CCDC38: variants seen among roughly 807,000 people sequenced by gnomAD.
The protein encoded by CCDC38 is coiled-coil domain-containing protein 38.
In CCDC38, 69 loss-of-function variants were observed where a neutral mutation model predicts 72.8. That is an observed-to-expected ratio of 0.95 (90% CI 0.78 to 1.16). The LOEUF (loss-of-function observed/expected upper bound fraction) is 1.16. CCDC38 is among the 50% of genes most tolerant of loss of function. CCDC38 has a pLI of 0.00. For missense variants in CCDC38, 626 were observed against 638.9 expected, an observed-to-expected ratio of 0.98 and a Z score of 0.22; for synonymous variants, 201 against 213.2, an observed-to-expected ratio of 0.94 and a Z score of 0.50.
intron 2 of CCDC38, chr12:95,919,568 G>A: frequency 2.2e-6 from 1 of 455,986 alleles, no homozygotes; most frequent in Non-Finnish European, 4.4e-6. Context: ...ACATCTCCTG[G>A]GTAGAAGTCA....
chr12:95,882,510 C>T (rs1389030426), intron 10 of CCDC38, among the ~76,000 whole-genome samples: 1 of 152,120 alleles, frequency 6.6e-6, no homozygotes, highest in Non-Finnish European at 1.5e-5. Flanking sequence ...ACACCTGGAG[C>T]TGCCTATTGA....
At chr12:95,905,405 A>G (rs1461400552) in intron 5 of CCDC38, among the ~76,000 whole-genome samples, 1 of 152,248 alleles carries the variant, frequency 6.6e-6, no homozygotes, top group Non-Finnish European at 1.5e-5. Flanking sequence ...TAAACTACCT[A>G]GGACATCAGT....
chr12:95,898,837 G>T, intron 5 of CCDC38, 106 bp from the exon 6 acceptor site: 3 of 1,127,122 alleles, frequency 2.7e-6, no homozygotes, highest in Non-Finnish European at 3.8e-6. Flanking sequence ...ATAATAGTAC[G>T]CCTAAATCTT....
chr12:95,876,479 TTCCAC>T lies in CCDC38; in HGVS notation c.1278+1727_1278+1731del, dbSNP rs762828542. The stretch of plus-strand genomic sequence containing the variant: ...AAAGTTGTGGAAATAGTGGTGATGG[TTCCAC>T]AACATTGAGAATGTACTTAATGCCA... On this transcript the variant is annotated intron_variant, in intron 13 of 15. Coordinates refer to ENST00000344280, the MANE Select transcript of CCDC38 (RefSeq NM_182496.3). 2.6e-5 allele frequency among the ~76,000 whole-genome samples: 4 copies of T among 152,314 alleles called. No homozygotes were observed. In the South Asian group the frequency reaches 8.3e-4, roughly 32 times the overall value.
At position 95,872,326 on chromosome 12, in the gene CCDC38, G is replaced by A. The variant is rs530908291; in HGVS notation, c.1413C>T (p.Asp471=). ...KVESRLVELC[D]LIESIPKENV... ...TTTCTTTGGGAATGGATTCGATGAGGTCACACAGTTCTACCAGGCGAGATT... is the reference window on the plus strand; with the variant it reads ...TTTCTTTGGGAATGGATTCGATGAGATCACACAGTTCTACCAGGCGAGATT... The change falls in exon 14 of 16, where the codon GAC becomes GAT. Residue 471 remains aspartate, a synonymous_variant. Transcript: ENST00000344280. The A allele has an allele frequency of 6.2e-7, 1 of 1,614,132 alleles. No homozygotes were observed. The highest frequency in any genetic ancestry group is 1.1e-5 in the South Asian group (1 of 91,080).
At chr12:95,916,905 C>T (rs2080150655) in intron 4 of CCDC38, among the ~76,000 whole-genome samples, 1 of 152,020 alleles carries the variant, frequency 6.6e-6, no homozygotes, top group South Asian at 2.1e-4. Context: ...AGTAACTGTC[C>T]TCCTGGGAGG....
At chr12:95,884,375 CAT>C (rs1375183507) in intron 10 of CCDC38, among the ~76,000 whole-genome samples, 6 of 152,204 alleles carry the variant, frequency 3.9e-5, no homozygotes, top group Middle Eastern at 6.8e-3. Context: ...TCTAACAAAA[CAT>C]GTATAGGATT....
In CCDC38 at chr12:95,877,770, G is replaced by T. The variant is rs554111269; in HGVS notation, c.1278+441C>A. 1.6e-3 allele frequency among the ~76,000 whole-genome samples: 238 copies of T among 152,238 alleles called. 5 individuals are homozygous for T. In the South Asian group the frequency reaches 0.046, roughly 29 times the overall value. On this transcript the variant is annotated intron_variant, in intron 13 of 15. Coordinates refer to ENST00000344280, the MANE Select transcript of CCDC38 (RefSeq NM_182496.3). ...CTGTTTTGATAATGAGTCTATGCAG[G>T]CCTGAAGAGGCAAAAATCTAGTACA...
At chr12:95,905,583 C>T (rs1024824202) in intron 5 of CCDC38, among the ~76,000 whole-genome samples, 6 of 152,128 alleles carry the variant, frequency 3.9e-5, no homozygotes, top group African/African-American at 9.7e-5. Context: ...TAAATTTATG[C>T]CCCAAAATGT....
intron 13 of CCDC38, 33 bp from the exon 14 acceptor site, chr12:95,872,493 C>G: frequency 7.6e-7 from 1 of 1,310,454 alleles, no homozygotes; most frequent in Non-Finnish European, 1.1e-6. Flanking sequence ...ACATTAACAT[C>G]ACATTCCACA....
chr12:95,884,219 G>T (rs2079732180), intron 10 of CCDC38, among the ~76,000 whole-genome samples: 1 of 152,188 alleles, frequency 6.6e-6, no homozygotes. Context: ...CAAAATTCTT[G>T]AACTAATAAG....
intron 1 of CCDC38, among the ~76,000 whole-genome samples, chr12:95,941,215 C>G (rs2080447179): frequency 6.6e-6 from 1 of 152,100 alleles, no homozygotes; most frequent in Non-Finnish European, 1.5e-5. Flanking sequence ...TTAGACTCAC[C>G]CAGAACTTGC....
chr12:95,879,861 T>C lies in CCDC38; in HGVS notation c.991-66A>G, dbSNP rs1254799085. The C allele has an allele frequency of 4.0e-6, 5 of 1,249,726 alleles. No individual in the cohort carries two copies. The highest frequency in any genetic ancestry group is 5.6e-6 in the Non-Finnish European group (5 of 893,950). The allele number at this position is 1,249,726 out of a possible 1,614,324, so 77.4% of individuals were successfully genotyped here. On this transcript the variant is annotated intron_variant, in intron 11 of 15. Coordinates refer to ENST00000344280, the MANE Select transcript of CCDC38 (RefSeq NM_182496.3). This position sits in a 1 kb window ranked among gnomAD's most constrained non-coding sequence, Gnocchi z 5.5. ...ATGCTACCTATGCACATGTGACTTA[T>C]CTAGAAAATACAGTGGGGTAAAGGA...
chr12:95,872,776 T>C (rs1458684536), intron 13 of CCDC38, among the ~76,000 whole-genome samples: 1 of 152,222 alleles, frequency 6.6e-6, no homozygotes, highest in Non-Finnish European at 1.5e-5. Context: ...GGCTTCACCG[T>C]GTTGGCCAGG....
intron 1 of CCDC38, among the ~76,000 whole-genome samples, chr12:95,940,278 C>A (rs1471897806): frequency 1.3e-5 from 2 of 152,098 alleles, no homozygotes; most frequent in Non-Finnish European, 2.9e-5. Flanking sequence ...ATCTGGGGGA[C>A]CTGAATCAGC....
In CCDC38 at chr12:95,878,236, A is replaced by C. The variant is rs772170372; in HGVS notation, c.1253T>G (p.Phe418Cys). 1 of 1,613,480 alleles carries C rather than the reference A, an allele frequency of 6.2e-7. No homozygotes were observed. Among genetic ancestry groups the C allele is most frequent in the Non-Finnish European group, 8.5e-7 (1 of 1,179,782 alleles). The change falls in exon 13 of 16, where the codon TTT becomes TGT. Residue 418 changes from phenylalanine to cysteine, a missense_variant. Phe to Cys is a radical substitution (Grantham distance 205). Transcript: ENST00000344280. ...ELQLKSKLFS[F>C]GEFNSDAQEI... ...CTGAGCATCTGAATTAAATTCTCCA[A>C]AGCTAAAGAGCTTGGACTTTAATTG...
At chr12:95,873,732 A>G (rs2079606611) in intron 13 of CCDC38, among the ~76,000 whole-genome samples, 1 of 152,186 alleles carries the variant, frequency 6.6e-6, no homozygotes. Flanking sequence ...AATAACACTC[A>G]AGAGAGAGGT....
intron 8 of CCDC38, among the ~76,000 whole-genome samples, chr12:95,893,437 CCCTCCCTTCCTT>C (rs2079852132): frequency 1.1e-5 from 1 of 88,904 alleles, no homozygotes; most frequent in East Asian, 3.7e-4. Flanking sequence ...CTCCCTCCCT[CCCTCCCTTCCTT>C]CCTTCTTTCC....
chr12:95,920,926 C>T (rs1343162002), intron 2 of CCDC38, among the ~76,000 whole-genome samples: 3 of 133,766 alleles, frequency 2.2e-5, no homozygotes, highest in African/African-American at 5.3e-5. Flanking sequence ...GTCGGGAGTT[C>T]GAGACCAGCG....
Sources: gnomAD v4.1 joint callset for allele counts (sites outside exome capture counted in the v4.1 genomes callset) on GRCh38, gnomAD v4.1.1 for gene constraint, Gnocchi (gnomAD v3.1) non-coding constraint, MANE v1.5 for transcripts, NCBI Gene and HGNC (gene_info 2026-07-23, HGNC 2026-07-21) for gene names.